The following ZSCAN31 variants were observed in gnomAD, a reference collection of about 807,000 sequenced individuals.
ZSCAN31 encodes zinc finger and SCAN domain containing 31.
ZSCAN31 carries 14 observed loss-of-function variants against 22.5 expected under a neutral mutation model. That is an observed-to-expected ratio of 0.62 (90% confidence interval 0.41 to 0.97). The LOEUF is 0.97. Ranked by LOEUF, ZSCAN31 falls within the 50% of genes least tolerant of loss-of-function variation. ZSCAN31 has a pLI of 0.00. For missense variants in ZSCAN31, 424 were observed against 483.4 expected, an observed-to-expected ratio of 0.88 and a Z score of 1.15; for synonymous variants, 168 against 169.8, an observed-to-expected ratio of 0.99 and a Z score of 0.08.
At chr6:28,342,489 G>A (rs1764452900) in intron 2 of ZSCAN31, among the ~76,000 whole-genome samples, 2 of 152,172 alleles carry the variant, frequency 1.3e-5, no homozygotes, top group Non-Finnish European at 2.9e-5. Flanking sequence ...TCTGCAAAGG[G>A]AGTAAAAACA....
At chr6:28,336,737 A>C (rs185743641), upstream of ZSCAN31, 107 of 152,320 alleles carry the variant, frequency 7.0e-4, no homozygotes, top group African/African-American at 2.5e-3. Flanking sequence ...TGGCATCACT[A>C]TTGTTAGTCC....
At chr6:28,334,491 A>G (rs1434664055) in intron 1 of ZSCAN31, among the ~76,000 whole-genome samples, 1 of 152,264 alleles carries the variant, frequency 6.6e-6, no homozygotes, top group African/African-American at 2.4e-5. Context: ...CAACAGCAAC[A>G]AAGAGATCAT....
chr6:28,345,467 C>T (rs1172689853), intron 2 of ZSCAN31, among the ~76,000 whole-genome samples: 2 of 152,182 alleles, frequency 1.3e-5, no homozygotes. Context: ...CCTCCCCGCT[C>T]AGTGGTGCCT....
chr6:28,335,494 C>T (rs1764083238), intron 1 of ZSCAN31: 1 of 152,242 alleles, frequency 6.6e-6, no homozygotes, highest in African/African-American at 2.4e-5. Flanking sequence ...CCGGCAGGCG[C>T]TCTACTTTCC....
chr6:28,337,944 C>T (rs1174411092), upstream of ZSCAN31: 2 of 152,146 alleles, frequency 1.3e-5, no homozygotes, highest in Non-Finnish European at 2.9e-5. Context: ...TGCTATTAGT[C>T]TCAGCTACTG....
intron 1 of ZSCAN31, 91 bp downstream of exon 1, chr6:28,335,991 C>T (rs1764138613): frequency 6.7e-6 from 1 of 149,826 alleles, no homozygotes; most frequent in Admixed American, 6.6e-5. Context: ...GGGGTCACGC[C>T]TGCGCAGACG....
Position 28,329,503 on chromosome 6 carries a change from G to C in ZSCAN31, c.181C>G (p.Arg61Gly), listed in dbSNP as rs761623198. ...CTTAGCCACTGATGACAGAGTTCTC[G>C]GAGCCGGCTCAGAGCTTCTCGGGGA... is the stretch of plus-strand genomic sequence containing the variant. ...PGPREALSRL[R>G]ELCHQWLRPE... Residue 61 changes from arginine (R) to glycine (G), a missense_variant, in exon 2 of 4, where the codon CGA (arginine) becomes GGA (glycine). Physicochemically the swap from Arg to Gly is moderately radical, Grantham distance 125. Transcript: ENST00000344279. 6.2e-7 allele frequency: 1 copy of C among 1,614,160 alleles called. No homozygotes were observed. Among genetic ancestry groups the C allele is most frequent in the Non-Finnish European group, 8.5e-7 (1 of 1,180,014 alleles).
chr6:28,353,924 G>C (rs1256325568), exon 2 of ZSCAN31: 2 of 455,492 alleles, frequency 4.4e-6, no homozygotes, highest in Non-Finnish European at 8.8e-6. Context: ...TGTTGGATGG[G>C]TGGCAGGTAG....
intron 2 of ZSCAN31, among the ~76,000 whole-genome samples, chr6:28,328,275 C>T (rs547190430): frequency 4.6e-5 from 7 of 152,074 alleles, no homozygotes; most frequent in South Asian, 2.1e-4. Flanking sequence ...ATTTATTAGG[C>T]GGGAATTTCC....
Position 28,351,696 on chromosome 6 carries a change from T to A in ZSCAN31, c.-371+2166A>T, listed in dbSNP as rs1215287034. Among the ~76,000 whole-genome samples the A allele has an allele frequency of 6.6e-6, 1 of 151,650 alleles. No homozygotes were observed. On this transcript the variant is annotated intron_variant, in intron 2 of 7. Transcript: ENST00000396838. This position sits in a 1 kb window ranked among gnomAD's most constrained non-coding sequence, Gnocchi z 4.6. ...TCCCTCTTTCCCTCTCTCCTTTCTT[T>A]CCCTCTCCCTCCTTTCTTTGTCTTC...
chr6:28,327,349 G>C lies in ZSCAN31; in HGVS notation c.532+34C>G, dbSNP rs759767754. ...ACTATCGCCCTATATAGACCCACCA[G>C]AGATCTCCTGAAGGGACCTGTCAAA... is the stretch of plus-strand genomic sequence containing the variant. On this transcript the variant is annotated intron_variant, in intron 3 of 3. Coordinates refer to ENST00000344279, the MANE Select transcript of ZSCAN31 (RefSeq NM_030899.5). 2.2e-5 allele frequency: 36 copies of C among 1,612,822 alleles called. No individual in the cohort carries two copies. In the South Asian group the frequency reaches 3.8e-4, roughly 17 times the overall value.
At chr6:28,334,170 G>A (rs982792079) in intron 1 of ZSCAN31, among the ~76,000 whole-genome samples, 3 of 152,058 alleles carry the variant, frequency 2.0e-5, no homozygotes, top group African/African-American at 7.2e-5. Context: ...TAGCTCATGA[G>A]GATATAGTTA....
At chr6:28,355,963 T>C (rs1765393295), upstream of ZSCAN31, 1 of 152,234 alleles carries the variant, frequency 6.6e-6, no homozygotes, top group African/African-American at 2.4e-5. Context: ...TCCTCAGGCA[T>C]GGGAGAGACA....
chr6:28,330,456 A>G (rs1236575969), intron 1 of ZSCAN31, among the ~76,000 whole-genome samples: 1 of 152,274 alleles, frequency 6.6e-6, no homozygotes, highest in African/African-American at 2.4e-5. Flanking sequence ...GGGAAGCAGA[A>G]TTAGGTAACT....
rs886087991 is a variant in ZSCAN31, at chr6:28,329,726, G to A, written c.-43C>T. ...AAGGCTTACTCTGGCTTTAAGTAAA[G>A]GGATAACTGTGATTTAAAATTTTCT... On this transcript the variant is annotated 5_prime_UTR_variant, in exon 2 of 4. Transcript: ENST00000344279. 1.3e-6 allele frequency: 2 copies of A among 1,546,318 alleles called. No individual in the cohort carries two copies. The highest frequency in any genetic ancestry group is 4.2e-5 in the Admixed American group (2 of 47,328).
Position 28,326,164 on chromosome 6 carries a change from C to G in ZSCAN31, c.*2G>C, listed in dbSNP as rs373017336. 28 of 1,602,898 alleles carry G rather than the reference C, an allele frequency of 1.7e-5. No homozygotes were observed. The highest frequency in any genetic ancestry group is 2.3e-5 in the Non-Finnish European group (27 of 1,173,306). ...CTGAAGGCTTTCCCAAACTCATCAC[C>G]CTTATGGTCTCTCTCCAGTGTGGAT... On this transcript the variant is annotated 3_prime_UTR_variant, in exon 4 of 4. Transcript: ENST00000344279.
At chr6:28,341,207 C>T (rs961684200) in intron 3 of ZSCAN31, among the ~76,000 whole-genome samples, 2 of 152,166 alleles carry the variant, frequency 1.3e-5, no homozygotes, top group Non-Finnish European at 2.9e-5. Context: ...AAAACAGCTA[C>T]ATTGAAATTT....
upstream of ZSCAN31, among the ~76,000 whole-genome samples, chr6:28,338,562 A>G (rs909805192): frequency 1.5e-4 from 23 of 152,052 alleles, no homozygotes; most frequent in African/African-American, 3.6e-4. Context: ...TGCTCAAGCA[A>G]TCCTCTTGCT....
At chr6:28,326,997 CAGGG>C in intron 3 of ZSCAN31, 143 bp from the exon 4 acceptor site, 1 of 879,250 alleles carries the variant, frequency 1.1e-6, no homozygotes, top group Non-Finnish European at 1.7e-6. Context: ...TTGGGTTAAA[CAGGG>C]ATGTTTAGGC....
Sources: gnomAD v4.1 joint callset for allele counts (sites outside exome capture counted in the v4.1 genomes callset) on GRCh38, gnomAD v4.1.1 for gene constraint, Gnocchi (gnomAD v3.1) non-coding constraint, MANE v1.5 for transcripts, NCBI Gene and HGNC (gene_info 2026-07-23, HGNC 2026-07-21) for gene names.